HNF4A: variants seen among roughly 807,000 people sequenced by gnomAD.
HNF4A encodes hepatocyte nuclear factor 4-alpha.
Under a neutral mutation model 52.4 loss-of-function variants are expected in HNF4A, and 15 were observed. That is an observed-to-expected ratio of 0.29 (90% confidence interval 0.19 to 0.44). The LOEUF (loss-of-function observed/expected upper bound fraction) is 0.44, where lower values mean the gene tolerates loss of function less well. Ranked by LOEUF, HNF4A falls within the 20% of genes least tolerant of loss-of-function variation. The pLI, the probability that HNF4A is intolerant of heterozygous loss-of-function variation, is 1.00. For synonymous variants in HNF4A, 280 were observed against 264.4 expected, an observed-to-expected ratio of 1.06 and a Z score of -0.57; for missense variants, 479 against 647.2, an observed-to-expected ratio of 0.74 and a Z score of 2.82.
At chr20:44,398,952 C>T (rs549698572), upstream of HNF4A, among the ~76,000 whole-genome samples, 2 of 152,314 alleles carry the variant, frequency 1.3e-5, no homozygotes, top group Admixed American at 6.5e-5. Context: ...CCATGTATTC[C>T]TGGATTGTGT....
chr20:44,366,305 C>T (rs950677986), intron 1 of HNF4A, among the ~76,000 whole-genome samples: 11 of 152,076 alleles, frequency 7.2e-5, no homozygotes, highest in Admixed American at 3.3e-4. Context: ...GGGTTTTACA[C>T]ATATTAACTC....
chr20:44,402,209 A>G (rs2063419295), intron 1 of HNF4A, among the ~76,000 whole-genome samples: 1 of 151,622 alleles, frequency 6.6e-6, no homozygotes, highest in Non-Finnish European at 1.5e-5. Flanking sequence ...GTGTCTTAGG[A>G]GTTGCCCGTG....
chr20:44,409,149 C>T (rs2063545577), intron 3 of HNF4A, among the ~76,000 whole-genome samples: 1 of 152,124 alleles, frequency 6.6e-6, no homozygotes, highest in Non-Finnish European at 1.5e-5. Context: ...TGGGTGGTCC[C>T]CAAGGCCTGC....
chr20:44,355,762 T>G (rs766305918), exon 1 of HNF4A: 6 of 1,602,714 alleles, frequency 3.7e-6, no homozygotes, highest in Non-Finnish European at 4.3e-6. Context: ...AGCGGGCCCC[T>G]GCTCCTCCAT....
At chr20:44,375,311 T>C (rs1404837384) in intron 1 of HNF4A, among the ~76,000 whole-genome samples, 1 of 152,108 alleles carries the variant, frequency 6.6e-6, no homozygotes, top group African/African-American at 2.4e-5. Context: ...TTGTAGACCT[T>C]TGTTGGATTC....
Position 44,413,793 on chromosome 20 carries a change from C to T in HNF4A, c.485C>T (p.Ser162Phe). Residue 162 changes from serine (S) to phenylalanine (F), a missense_variant, in exon 4 of 10, where the codon TCC becomes TTC. By Grantham distance (155) the Ser-to-Phe change is radical. Transcript: ENST00000316099. The stretch of plus-strand genomic sequence containing the variant: ...GCGCTCCTGCAGGCGGAGGTCCTGT[C>T]CCGACAGGTACCGGGGTGATCCTGC... The T allele has an allele frequency of 6.2e-7, 1 of 1,610,312 alleles. No individual in the cohort carries two copies. Among genetic ancestry groups the T allele is most frequent in the African/African-American group, 1.3e-5 (1 of 74,966 alleles).
intron 3 of HNF4A, among the ~76,000 whole-genome samples, chr20:44,409,890 T>C (rs1009661657): frequency 1.3e-5 from 2 of 150,866 alleles, no homozygotes; most frequent in Non-Finnish European, 2.9e-5. Flanking sequence ...CAGGCTGGAG[T>C]GCAATGGCAG....
intron 7 of HNF4A, among the ~76,000 whole-genome samples, chr20:44,421,815 G>GAT (rs1053042289): frequency 2.6e-4 from 37 of 144,960 alleles, no homozygotes; most frequent in East Asian, 2.2e-3. Flanking sequence ...AATATATAGT[G>GAT]ATATATATAG....
intron 1 of HNF4A, chr20:44,390,502 T>A (rs1474258899): frequency 1.6e-6 from 1 of 621,042 alleles, no homozygotes; most frequent in East Asian, 2.8e-5. Flanking sequence ...CCCTGAAATC[T>A]CATTGTGACC....
chr20:44,420,019 T>C (rs2063722335), intron 7 of HNF4A, 143 bp downstream of exon 7: 1 of 870,264 alleles, frequency 1.1e-6, no homozygotes, highest in Non-Finnish European at 1.9e-6. Context: ...ATTTAACAGA[T>C]GAGGCAAGTC....
At chr20:44,423,365 C>T (rs774094104) in intron 7 of HNF4A, among the ~76,000 whole-genome samples, 1 of 151,988 alleles carries the variant, frequency 6.6e-6, no homozygotes, top group Non-Finnish European at 1.5e-5. Context: ...TACGCGTGCC[C>T]CTGCCAAACT....
At chr20:44,361,358 C>T (rs570964623) in intron 1 of HNF4A, among the ~76,000 whole-genome samples, 1 of 152,308 alleles carries the variant, frequency 6.6e-6, no homozygotes, top group East Asian at 1.9e-4. Context: ...AACAGAGGAA[C>T]TAAATATCCA....
At position 44,424,460 on chromosome 20, in the gene HNF4A, C is replaced by T. The variant is rs149210632; in HGVS notation, c.1129+206C>T. 949 of 1,013,408 alleles carry T rather than the reference C, an allele frequency of 9.4e-4. 6 individuals carry two copies. In the African/African-American group the frequency reaches 0.013, roughly 14 times the overall value. 62.8% of individuals were successfully genotyped at this position (1,013,408 alleles called of 1,614,324 possible). A position where few individuals can be genotyped will look rare whatever the true frequency, so the allele number is the denominator to read the frequency against. On this transcript the variant is annotated intron_variant, in intron 8 of 9. Coordinates refer to ENST00000316099, the MANE Select transcript of HNF4A (RefSeq NM_000457.6). ...TTGTTCAGGCACCGAGAACCTAGCA[C>T]GTGCCAGTCACTGTTCTAAGTGCTG...
chr20:44,390,373 T>G (rs1182936197), intron 1 of HNF4A: 7 of 482,036 alleles, frequency 1.5e-5, no homozygotes, highest in Non-Finnish European at 2.6e-5. Flanking sequence ...TCCAGACCAC[T>G]GTGTCTCCCA....
chr20:44,418,892 C>T (rs2063704547), intron 6 of HNF4A, among the ~76,000 whole-genome samples: 1 of 152,216 alleles, frequency 6.6e-6, no homozygotes, highest in African/African-American at 2.4e-5. Context: ...TCTCCTGCCT[C>T]ACCCTCCAGA....
chr20:44,388,910 C>T (rs1387406037), intron 1 of HNF4A, among the ~76,000 whole-genome samples: 5 of 152,238 alleles, frequency 3.3e-5, no homozygotes, highest in Non-Finnish European at 7.3e-5. Context: ...CCCTGGCTCC[C>T]AGCCCCACAG....
At chr20:44,414,380 G>A in intron 4 of HNF4A, 127 bp from the exon 5 acceptor site, 1 of 1,355,896 alleles carries the variant, frequency 7.4e-7, no homozygotes. Flanking sequence ...TTCCTTCAGA[G>A]CTGGAGGGCA....
At chr20:44,408,578 T>A (rs879822062) in intron 3 of HNF4A, among the ~76,000 whole-genome samples, 3 of 151,876 alleles carry the variant, frequency 2.0e-5, no homozygotes, top group Non-Finnish European at 2.9e-5. Context: ...TACAAAAAAA[T>A]TAGCTGGGCG....
chr20:44,379,817 T>C (rs1391068385), intron 1 of HNF4A, among the ~76,000 whole-genome samples: 1 of 145,672 alleles, frequency 6.9e-6, no homozygotes, highest in African/African-American at 2.5e-5. Flanking sequence ...CACTGCAACC[T>C]CTGCCTCCCA....
Sources: gnomAD v4.1 joint callset for allele counts (sites outside exome capture counted in the v4.1 genomes callset) on GRCh38, gnomAD v4.1.1 for gene constraint, MANE v1.5 for transcripts, NCBI Gene and HGNC (gene_info 2026-07-23, HGNC 2026-07-21) for gene names.